Variants in ANK3 observed in about 807,000 individuals in gnomAD.
ANK3 encodes the protein ankyrin-3.
A neutral mutation model predicts 370.9 loss-of-function variants in ANK3; 57 were observed. The observed-to-expected ratio is 0.15, with a 90% CI of 0.12 to 0.19. ANK3 has a LOEUF of 0.19. Ranked by LOEUF, ANK3 falls within the 10% of genes least tolerant of loss-of-function variation. The pLI is 1.00. For synonymous variants in ANK3, 1,929 were observed against 1,946.3 expected, an observed-to-expected ratio of 0.99 and a Z score of 0.23; for missense variants, 4,439 against 5,302.1, an observed-to-expected ratio of 0.84 and a Z score of 5.06.
chr10:60,564,203 AT>A (rs1353062824), intron 2 of ANK3, among the ~76,000 whole-genome samples: 3 of 152,210 alleles, frequency 2.0e-5, no homozygotes, highest in Admixed American at 2.0e-4. Context: ...AGCAGAAAAC[AT>A]TTTTTAAAAA....
intron 2 of ANK3, among the ~76,000 whole-genome samples, chr10:60,495,621 T>G (rs2075634115): frequency 6.6e-6 from 1 of 152,194 alleles, no homozygotes; most frequent in Admixed American, 6.5e-5. Context: ...AACAATGTTA[T>G]GAGAACAGCC....
At chr10:60,492,551 C>CA (rs1388022926) in intron 2 of ANK3, among the ~76,000 whole-genome samples, 1 of 150,756 alleles carries the variant, frequency 6.6e-6, no homozygotes, top group African/African-American at 2.4e-5. Flanking sequence ...ACCAAAAATA[C>CA]AAAAAATTAG....
chr10:60,732,297 A>G (rs567232078), intron 1 of ANK3, among the ~76,000 whole-genome samples: 62 of 152,262 alleles, frequency 4.1e-4, no homozygotes, highest in African/African-American at 1.4e-3. Flanking sequence ...TTTCTCAGGA[A>G]CCTTTCCCTA....
chr10:60,661,945 T>C (rs1490645977), intron 1 of ANK3, among the ~76,000 whole-genome samples: 1 of 152,168 alleles, frequency 6.6e-6, no homozygotes, highest in African/African-American at 2.4e-5. Context: ...TTGAACCAGA[T>C]CGTCTGGTTC....
At chr10:60,270,729 CTCAAATAGCTTCAAAGCTTT>C (rs1306331375) in intron 4 of ANK3, among the ~76,000 whole-genome samples, 7 of 152,292 alleles carry the variant, frequency 4.6e-5, no homozygotes, top group African/African-American at 1.2e-4. Flanking sequence ...TTATATTAAT[CTCAAATAGCTTCAAAGCTTT>C]TCAAATAGCT....
intron 1 of ANK3, among the ~76,000 whole-genome samples, chr10:60,630,737 A>C (rs1023746515): frequency 6.6e-6 from 1 of 152,186 alleles, no homozygotes; most frequent in Non-Finnish European, 1.5e-5. Context: ...TTGATAAAAA[A>C]GCACAGAGGT....
intron 2 of ANK3, among the ~76,000 whole-genome samples, chr10:60,584,771 T>C (rs565261939): frequency 6.6e-6 from 1 of 152,318 alleles, no homozygotes; most frequent in Admixed American, 6.5e-5. Flanking sequence ...TCCTCTCTTG[T>C]TGTCTGAAAC....
chr10:60,477,185 T>C (rs2075088928), intron 2 of ANK3, among the ~76,000 whole-genome samples: 1 of 151,998 alleles, frequency 6.6e-6, no homozygotes, highest in Admixed American at 6.6e-5. Flanking sequence ...TTGAAAAAAA[T>C]TAACATCTTT....
chr10:60,606,244 C>A (rs2078126781), intron 2 of ANK3, among the ~76,000 whole-genome samples: 1 of 151,976 alleles, frequency 6.6e-6, no homozygotes, highest in Admixed American at 6.6e-5. Context: ...ATAATAAACA[C>A]AGTTATAAAT....
intron 2 of ANK3, among the ~76,000 whole-genome samples, chr10:60,435,278 T>C (rs1477110239): frequency 6.6e-6 from 1 of 152,222 alleles, no homozygotes; most frequent in African/African-American, 2.4e-5. Flanking sequence ...CCTACTAATT[T>C]GATGTAAATG....
At chr10:60,466,892 C>T (rs1448456643) in intron 2 of ANK3, among the ~76,000 whole-genome samples, 1 of 152,106 alleles carries the variant, frequency 6.6e-6, no homozygotes, top group Non-Finnish European at 1.5e-5. Context: ...CATCACTAGT[C>T]ACCTATAGGG....
chr10:60,694,467 G>A (rs1198865724), intron 1 of ANK3, among the ~76,000 whole-genome samples: 2 of 152,096 alleles, frequency 1.3e-5, no homozygotes, highest in Admixed American at 1.3e-4. Flanking sequence ...AAGTTGAAAT[G>A]AAGGAAAAAA....
chr10:60,671,531 T>C (rs565786525), intron 1 of ANK3, among the ~76,000 whole-genome samples: 1 of 152,340 alleles, frequency 6.6e-6, no homozygotes, highest in South Asian at 2.1e-4. Flanking sequence ...AAATCTTTTT[T>C]GTTATTGAAC....
At chr10:60,455,693 T>A (rs192523632) in intron 2 of ANK3, among the ~76,000 whole-genome samples, 141 of 152,310 alleles carry the variant, frequency 9.3e-4, no homozygotes, top group Non-Finnish European at 1.6e-3. Context: ...TTGTATATAT[T>A]TCAAATTCTC....
rs1162173625 is a variant in ANK3, at chr10:60,469,659, G to GTATATATATA, written c.96+145517_96+145526dup. ...TATATATATATATATATATATGGTGGTATATATATATATATATATATGGTG... is the reference window on the plus strand; with the variant it reads ...TATATATATATATATATATATGGTGGTATATATATATATATATATATATATATATATGGTG... On this transcript the variant is annotated intron_variant, in intron 2 of 43. Transcript: ENST00000373827. Among the ~76,000 whole-genome samples the GTATATATATA allele has an allele frequency of 9.1e-3, 35 of 3,830 alleles. 7 individuals carry two copies. The highest frequency in any genetic ancestry group is 0.014 in the Non-Finnish European group (29 of 2,042). 2.5% of individuals were successfully genotyped at this position (3,830 alleles called of 152,430 possible). A position where few individuals can be genotyped will look rare whatever the true frequency, so the allele number is the denominator to read the frequency against.
intron 2 of ANK3, among the ~76,000 whole-genome samples, chr10:60,464,834 A>T (rs1171168448): frequency 1.3e-5 from 2 of 152,182 alleles, no homozygotes; most frequent in African/African-American, 4.8e-5. Flanking sequence ...AAGCATCAAA[A>T]AATGCTCATA....
chr10:60,512,797 C>T (rs2133165724), intron 2 of ANK3, among the ~76,000 whole-genome samples: 1 of 152,176 alleles, frequency 6.6e-6, no homozygotes, highest in South Asian at 2.1e-4. Context: ...TAAATATATG[C>T]TAATGAACAA....
chr10:60,315,192 G>C (rs2047148365), intron 1 of ANK3, among the ~76,000 whole-genome samples: 1 of 152,130 alleles, frequency 6.6e-6, no homozygotes, highest in African/African-American at 2.4e-5. Context: ...GAGATAGAGG[G>C]TGTAAGTGCA....
chr10:60,281,999 T>C (rs945629618), intron 1 of ANK3, among the ~76,000 whole-genome samples: 11 of 152,200 alleles, frequency 7.2e-5, no homozygotes, highest in African/African-American at 2.7e-4. Flanking sequence ...AGGTTCACTA[T>C]TTAGAGGTTA....
Sources: allele counts gnomAD v4.1 joint callset (sites outside exome capture counted in the v4.1 genomes callset), GRCh38; gene constraint gnomAD v4.1.1; transcripts MANE v1.5; gene names NCBI Gene and HGNC (gene_info 2026-07-23, HGNC 2026-07-21).